The following CFDP1 variants were observed in gnomAD, a reference collection of about 807,000 sequenced individuals.
CFDP1 encodes the protein heterochromatin-stabilizing protein CFDP1.
Under a neutral mutation model 40.1 loss-of-function variants are expected in CFDP1, and 31 were observed. That is an observed-to-expected ratio of 0.77 (90% CI 0.58 to 1.04). The LOEUF (loss-of-function observed/expected upper bound fraction) is 1.04. Ranked by LOEUF, CFDP1 falls within the 50% of genes least tolerant of loss-of-function variation. The probability of loss-of-function intolerance (pLI) is 0.00; values close to 1 mark genes in which losing one functional copy is unlikely to be tolerated. For missense variants in CFDP1, 423 were observed against 343.4 expected, an observed-to-expected ratio of 1.23 and a Z score of -1.83; for synonymous variants, 167 against 120.0, an observed-to-expected ratio of 1.39 and a Z score of -2.56.
intron 5 of CFDP1, among the ~76,000 whole-genome samples, chr16:75,385,909 A>G (rs2078893880): frequency 6.6e-6 from 1 of 152,200 alleles, no homozygotes; most frequent in South Asian, 2.1e-4. Context: ...TATGACTACC[A>G]TAACTTCACA....
chr16:75,361,512 G>A (rs886774433), intron 5 of CFDP1, among the ~76,000 whole-genome samples: 1 of 152,042 alleles, frequency 6.6e-6, no homozygotes, highest in Non-Finnish European at 1.5e-5. Flanking sequence ...AGCTACTCAG[G>A]AGGCTGAGGC....
At chr16:75,420,971 C>G (rs192962498) in intron 1 of CFDP1, among the ~76,000 whole-genome samples, 97 of 152,268 alleles carry the variant, frequency 6.4e-4, no homozygotes, top group African/African-American at 2.3e-3. Flanking sequence ...GTAGACAGTT[C>G]AGACAAGTAG....
At chr16:75,314,924 G>C (rs923072033) in intron 5 of CFDP1, among the ~76,000 whole-genome samples, 1 of 152,022 alleles carries the variant, frequency 6.6e-6, no homozygotes, top group African/African-American at 2.4e-5. Flanking sequence ...GCTAACTTTT[G>C]TATTTTTAGT....
rs560934460 is a variant in CFDP1, at chr16:75,298,945, A to G, written c.810-4903T>C. On this transcript the variant is annotated intron_variant, in intron 6 of 6. Coordinates refer to ENST00000283882, the MANE Select transcript of CFDP1 (RefSeq NM_006324.3). ...ACCTGGTCTCCAATTGTAACCTTCA[A>G]TTGATTGATCAGACAGCAGCAGCTG... is the stretch of plus-strand genomic sequence containing the variant. 2.0e-5 allele frequency among the ~76,000 whole-genome samples: 3 copies of G among 152,302 alleles called. No individual in the cohort carries two copies. The East Asian group carries it at 5.8e-4, about 29-fold the overall frequency.
chr16:75,305,948 G>A (rs1360396978), intron 5 of CFDP1, among the ~76,000 whole-genome samples: 2 of 152,162 alleles, frequency 1.3e-5, no homozygotes, highest in African/African-American at 4.8e-5. Context: ...AGAAACCCCA[G>A]ATGCCCAAAT....
At chr16:75,429,052 G>A (rs776974448) in intron 1 of CFDP1, among the ~76,000 whole-genome samples, 11 of 151,810 alleles carry the variant, frequency 7.2e-5, no homozygotes, top group Middle Eastern at 3.5e-3. Context: ...GGGAAGTGGA[G>A]GTTGCAGGGA....
Position 75,332,520 on chromosome 16 carries a change from AGC to A in CFDP1, c.651-27340_651-27339del, listed in dbSNP as rs1216742923. On this transcript the variant is annotated intron_variant, in intron 5 of 6. Transcript: ENST00000283882. ...AATAAAATAAAAAATAAAATACAGT[AGC>A]TCGATGTGGTGGTGCTTGTTTGTGG... Among the ~76,000 whole-genome samples, 17 of 151,906 alleles carry A rather than the reference AGC, an allele frequency of 1.1e-4. No homozygotes were observed. In the East Asian group the frequency reaches 2.9e-3, roughly 26 times the overall value.
chr16:75,303,312 C>A (rs2078233902), intron 6 of CFDP1, among the ~76,000 whole-genome samples: 1 of 151,894 alleles, frequency 6.6e-6, no homozygotes, highest in Admixed American at 6.6e-5. Flanking sequence ...GTTGCAGTGA[C>A]CCAAGATCAC....
chr16:75,294,720 G>A (rs1048348830), intron 6 of CFDP1, among the ~76,000 whole-genome samples: 1 of 152,058 alleles, frequency 6.6e-6, no homozygotes, highest in Non-Finnish European at 1.5e-5. Context: ...TAAGATGACA[G>A]GAGAACTCTT....
intron 5 of CFDP1, among the ~76,000 whole-genome samples, chr16:75,391,713 C>T (rs563641028): frequency 1.3e-5 from 2 of 152,242 alleles, no homozygotes; most frequent in South Asian, 2.1e-4. Flanking sequence ...GTGGCTCACA[C>T]CTGTAATGCC....
chr16:75,309,819 CAAAAAAAAAAAA>C (rs1156624164), intron 5 of CFDP1, among the ~76,000 whole-genome samples: 1 of 46,480 alleles, frequency 2.2e-5, no homozygotes, highest in Non-Finnish European at 3.5e-5. Context: ...GACTCCATCT[CAAAAAAAAAAAA>C]AAAAAAAAAA....
At chr16:75,360,110 T>C (rs1477695975) in intron 5 of CFDP1, among the ~76,000 whole-genome samples, 1 of 152,156 alleles carries the variant, frequency 6.6e-6, no homozygotes, top group African/African-American at 2.4e-5. Flanking sequence ...GCAGCCTGTC[T>C]TGAACTTCTG....
At chr16:75,422,585 G>C (rs1390377815) in intron 1 of CFDP1, among the ~76,000 whole-genome samples, 5 of 150,496 alleles carry the variant, frequency 3.3e-5, no homozygotes, top group Admixed American at 3.3e-4. Flanking sequence ...GGTAGAGACG[G>C]GGTTTCACCA....
At chr16:75,367,811 A>AC (rs2078725717) in intron 5 of CFDP1, among the ~76,000 whole-genome samples, 1 of 146,686 alleles carries the variant, frequency 6.8e-6, no homozygotes, top group Non-Finnish European at 1.5e-5. Flanking sequence ...AAAAAAAAAA[A>AC]CTTAACAGCC....
intron 6 of CFDP1, among the ~76,000 whole-genome samples, chr16:75,295,944 T>G (rs1029937437): frequency 2.0e-5 from 3 of 152,156 alleles, no homozygotes; most frequent in Admixed American, 6.5e-5. Context: ...CAAAATGGTC[T>G]CAGAGGCACG....
chr16:75,400,606 G>A (rs1366003931), intron 4 of CFDP1, among the ~76,000 whole-genome samples: 3 of 152,154 alleles, frequency 2.0e-5, no homozygotes, highest in African/African-American at 7.2e-5. Context: ...CCATTACTCT[G>A]GAGAAATGAA....
intron 5 of CFDP1, among the ~76,000 whole-genome samples, chr16:75,340,740 T>G (rs1230848557): frequency 6.6e-6 from 1 of 152,232 alleles, no homozygotes; most frequent in East Asian, 1.9e-4. Context: ...CTGTCTTCTG[T>G]TTTTCATCTG....
At chr16:75,343,235 A>G (rs1054020000) in intron 5 of CFDP1, among the ~76,000 whole-genome samples, 1 of 152,138 alleles carries the variant, frequency 6.6e-6, no homozygotes, top group Non-Finnish European at 1.5e-5. Context: ...TGTTCCAGCA[A>G]AAACTCCTTT....
chr16:75,391,414 C>T (rs913319951), intron 5 of CFDP1: 3 of 152,206 alleles, frequency 2.0e-5, no homozygotes, highest in African/African-American at 7.2e-5. Context: ...AAGGCTAATT[C>T]CATACGTTGT....
Sources: gnomAD v4.1 joint callset for allele counts (sites outside exome capture counted in the v4.1 genomes callset) on GRCh38, gnomAD v4.1.1 for gene constraint, MANE v1.5 for transcripts, NCBI Gene and HGNC (gene_info 2026-07-23, HGNC 2026-07-21) for gene names.